The following TAF3 variants were observed in gnomAD, a reference collection of about 807,000 sequenced individuals.
TAF3 encodes the protein transcription initiation factor TFIID subunit 3.
A neutral mutation model predicts 80.6 loss-of-function variants in TAF3; 7 were observed. That is an observed-to-expected ratio of 0.09 (90% CI 0.05 to 0.16). TAF3 has a LOEUF of 0.16. Among genes scored for constraint, TAF3 ranks in the 10% least tolerant of loss-of-function variants. The pLI is 1.00. For synonymous variants in TAF3, 444 were observed against 446.1 expected (o/e 1.00, Z 0.06); for missense variants, 921 against 1,140.2 (o/e 0.81, Z 2.77).
chr10:7,896,519 A>G lies in TAF3; in HGVS notation c.410-67401A>G, dbSNP rs572740990. Among the ~76,000 whole-genome samples, 44 of 152,320 alleles carry G rather than the reference A, an allele frequency of 2.9e-4. No individual in the cohort carries two copies. The South Asian group carries it at 7.9e-3, about 27-fold the overall frequency. ...TTTGCTTCATAGATCTCTAGTTGCC[A>G]TAGCCCCACACAGCGTGCATGCCAC... On this transcript the variant is annotated intron_variant, in intron 2 of 6. Transcript: ENST00000344293.
chr10:7,903,926 A>G (rs914013963), intron 2 of TAF3, among the ~76,000 whole-genome samples: 1 of 152,178 alleles, frequency 6.6e-6, no homozygotes, highest in Non-Finnish European at 1.5e-5. Context: ...GATAACCTAC[A>G]GTAAGTGTGA....
At chr10:7,871,274 A>G (rs1056100947) in intron 2 of TAF3, among the ~76,000 whole-genome samples, 2 of 151,946 alleles carry the variant, frequency 1.3e-5, no homozygotes, top group African/African-American at 4.8e-5. Flanking sequence ...AATGATGGCT[A>G]TTTCATTATT....
intron 2 of TAF3, among the ~76,000 whole-genome samples, chr10:7,958,597 T>C (rs989762668): frequency 1.3e-5 from 2 of 152,034 alleles, no homozygotes; most frequent in Non-Finnish European, 2.9e-5. Flanking sequence ...AAGATCAAGA[T>C]AGTAGTTCCC....
chr10:7,914,367 C>T (rs1837685806), intron 2 of TAF3, among the ~76,000 whole-genome samples: 1 of 152,172 alleles, frequency 6.6e-6, no homozygotes, highest in South Asian at 2.1e-4. Context: ...CAGGTGTTTT[C>T]CCCCTCCTAT....
In TAF3 at chr10:7,871,435, C is replaced by CTTTTTTTTTTTTTTTTTTTTT. The variant is rs527356726; in HGVS notation, c.409+46880_409+46900dup. Among the ~76,000 whole-genome samples the CTTTTTTTTTTTTTTTTTTTTT allele has an allele frequency of 4.7e-3, 326 of 69,096 alleles. 30 individuals are homozygous for CTTTTTTTTTTTTTTTTTTTTT. The highest frequency in any genetic ancestry group is 0.013 in the Middle Eastern group (1 of 78). The allele number at this position is 69,096 out of a possible 152,430, so 45.3% of individuals were successfully genotyped here. Reference sequence around the variant, plus strand: ...CTAAATTGATGACAAATAACTGCTGCTTTTTTTTTTTTTTTTTTTTTTTTT... The same window carrying CTTTTTTTTTTTTTTTTTTTTT: ...CTAAATTGATGACAAATAACTGCTGCTTTTTTTTTTTTTTTTTTTTTTTTTTTTTTTTTTTTTTTTTTTTTT... On this transcript the variant is annotated intron_variant, in intron 2 of 6. Transcript: ENST00000344293.
chr10:8,010,187 A>G (rs1832040914), intron 5 of TAF3, among the ~76,000 whole-genome samples: 1 of 152,216 alleles, frequency 6.6e-6, no homozygotes, highest in Non-Finnish European at 1.5e-5. Context: ...GATGACAGGC[A>G]TGAACAACCA....
At chr10:7,889,951 C>A (rs960698365) in intron 2 of TAF3, among the ~76,000 whole-genome samples, 1 of 152,230 alleles carries the variant, frequency 6.6e-6, no homozygotes, top group East Asian at 1.9e-4. Flanking sequence ...TTTCCTCCCT[C>A]CTCTAGTTTA....
chr10:7,823,945 TA>T (rs201897666), intron 1 of TAF3, among the ~76,000 whole-genome samples: 8,325 of 144,094 alleles, frequency 0.058, 386 homozygotes, highest in Admixed American at 0.14. Flanking sequence ...TGCCATCTCT[TA>T]AAAAAAAAAA....
chr10:7,924,148 A>G (rs1436761690), intron 2 of TAF3, among the ~76,000 whole-genome samples: 1 of 152,208 alleles, frequency 6.6e-6, no homozygotes, highest in Non-Finnish European at 1.5e-5. Context: ...ATTCTTAGAC[A>G]GTGTTTGTGA....
intron 2 of TAF3, among the ~76,000 whole-genome samples, chr10:7,900,971 G>A (rs1837552782): frequency 4.6e-4 from 1 of 2,166 alleles, no homozygotes; most frequent in South Asian, 0.025. Context: ...TGAAGTAGCG[G>A]TGTATGTAGA....
intron 5 of TAF3, among the ~76,000 whole-genome samples, chr10:8,011,834 A>G (rs1276918309): frequency 6.6e-6 from 1 of 152,164 alleles, no homozygotes; most frequent in African/African-American, 2.4e-5. Flanking sequence ...TAGATCTTTG[A>G]GCTAACTCAC....
Position 7,894,254 on chromosome 10 carries a change from C to T in TAF3, c.410-69666C>T, listed in dbSNP as rs115032636. 3.1e-3 allele frequency among the ~76,000 whole-genome samples: 479 copies of T among 152,246 alleles called. 5 individuals carry two copies. The highest frequency in any genetic ancestry group is 0.01 in the African/African-American group (428 of 41,530). On this transcript the variant is annotated intron_variant, in intron 2 of 6. Coordinates refer to ENST00000344293, the MANE Select transcript of TAF3 (RefSeq NM_031923.4). ...CTAAGCAATACAAATTCTCCCATGA[C>T]GGAGTTACTGTCAGCAGGGACAGTC...
At chr10:7,831,802 T>A (rs535788536) in intron 2 of TAF3, among the ~76,000 whole-genome samples, 51 of 152,212 alleles carry the variant, frequency 3.4e-4, no homozygotes, top group Non-Finnish European at 5.6e-4. Context: ...AGACTCAGCA[T>A]GTATAGTCAT....
At chr10:7,860,666 A>T (rs571655860) in intron 2 of TAF3, among the ~76,000 whole-genome samples, 5 of 152,236 alleles carry the variant, frequency 3.3e-5, no homozygotes, top group African/African-American at 1.2e-4. Context: ...GGTACCAATT[A>T]AATTTTTATA....
chr10:7,970,314 C>T (rs1236829842), intron 3 of TAF3, among the ~76,000 whole-genome samples: 1 of 152,232 alleles, frequency 6.6e-6, no homozygotes, highest in African/African-American at 2.4e-5. Flanking sequence ...TCTTGAGTGC[C>T]TACAGGTTCC....
At chr10:7,981,419 T>C (rs1292085292) in intron 4 of TAF3, among the ~76,000 whole-genome samples, 3 of 152,168 alleles carry the variant, frequency 2.0e-5, no homozygotes, top group African/African-American at 7.2e-5. Flanking sequence ...AGACATCCCA[T>C]CATGCATGGT....
chr10:7,827,963 T>C (rs1836760154), intron 2 of TAF3, among the ~76,000 whole-genome samples: 1 of 151,798 alleles, frequency 6.6e-6, no homozygotes, highest in South Asian at 2.1e-4. Flanking sequence ...CAAAAAAAAA[T>C]AAAACACATG....
intron 2 of TAF3, among the ~76,000 whole-genome samples, chr10:7,851,620 A>G (rs1222051444): frequency 6.6e-6 from 1 of 152,162 alleles, no homozygotes; most frequent in East Asian, 1.9e-4. Flanking sequence ...AGTCTTATTC[A>G]TCTGTGCCCC....
chr10:7,858,007 A>G (rs1429041446), intron 2 of TAF3, among the ~76,000 whole-genome samples: 3 of 148,266 alleles, frequency 2.0e-5, no homozygotes, highest in African/African-American at 7.5e-5. Context: ...GTGGAATTTG[A>G]GGATTTATGG....
Sources: allele counts gnomAD v4.1 joint callset (sites outside exome capture counted in the v4.1 genomes callset), GRCh38; gene constraint gnomAD v4.1.1; transcripts MANE v1.5; gene names NCBI Gene and HGNC (gene_info 2026-07-23, HGNC 2026-07-21).